Variants in PTPRD observed in about 807,000 individuals in gnomAD.
PTPRD encodes receptor-type tyrosine-protein phosphatase delta.
A neutral mutation model predicts 214.5 loss-of-function variants in PTPRD; 34 were observed. That is an observed-to-expected ratio of 0.16 (90% confidence interval 0.12 to 0.21). The LOEUF (loss-of-function observed/expected upper bound fraction) is 0.21. Ranked by LOEUF, PTPRD falls within the 10% of genes least tolerant of loss-of-function variation. The pLI, the probability that PTPRD is intolerant of heterozygous loss-of-function variation, is 1.00. For missense variants in PTPRD, 2,545 were observed against 2,398.7 expected, an observed-to-expected ratio of 1.06 and a Z score of -1.27; for synonymous variants, 1,128 against 845.7, an observed-to-expected ratio of 1.33 and a Z score of -5.79.
intron 11 of PTPRD, among the ~76,000 whole-genome samples, chr9:8,844,375 A>C (rs746070145): frequency 2.6e-4 from 40 of 152,212 alleles, no homozygotes; most frequent in Non-Finnish European, 5.4e-4. Context: ...CAGGCCTCTT[A>C]ATATATTTTA....
At chr9:9,194,921 T>C (rs1046244028) in intron 9 of PTPRD, among the ~76,000 whole-genome samples, 7 of 151,914 alleles carry the variant, frequency 4.6e-5, no homozygotes, top group Admixed American at 3.3e-4. Context: ...TTTTTTGTTT[T>C]AGTTATTCCA....
chr9:10,139,076 C>T (rs1372254483), intron 3 of PTPRD, among the ~76,000 whole-genome samples: 1 of 151,830 alleles, frequency 6.6e-6, no homozygotes, highest in African/African-American at 2.4e-5. Flanking sequence ...AAGAGGCATC[C>T]AAATAGAAAA....
At chr9:10,145,295 C>T (rs1204069960) in intron 3 of PTPRD, among the ~76,000 whole-genome samples, 2 of 152,042 alleles carry the variant, frequency 1.3e-5, no homozygotes, top group Non-Finnish European at 1.5e-5. Flanking sequence ...GACCCTTTAA[C>T]AACACAGTTT....
chr9:10,273,922 T>G (rs1011312593), intron 3 of PTPRD, among the ~76,000 whole-genome samples: 1 of 152,122 alleles, frequency 6.6e-6, no homozygotes, highest in African/African-American at 2.4e-5. Flanking sequence ...AAAACAAAAG[T>G]TTTTAGCTAA....
At chr9:9,298,060 G>A (rs1953784248) in intron 9 of PTPRD, among the ~76,000 whole-genome samples, 1 of 151,690 alleles carries the variant, frequency 6.6e-6, no homozygotes, top group Non-Finnish European at 1.5e-5. Flanking sequence ...GAGAGACAAT[G>A]GATGGGTAAA....
intron 36 of PTPRD, among the ~76,000 whole-genome samples, chr9:8,402,140 A>G (rs546145917): frequency 6.6e-6 from 1 of 152,150 alleles, no homozygotes; most frequent in Admixed American, 6.5e-5. Context: ...TGTAATTTAG[A>G]TGAAAGCTCT....
At chr9:9,536,204 G>T (rs553432831) in intron 8 of PTPRD, among the ~76,000 whole-genome samples, 3 of 151,740 alleles carry the variant, frequency 2.0e-5, no homozygotes, top group African/African-American at 7.3e-5. Flanking sequence ...ACATATTTTT[G>T]TATGTATCTC....
chr9:9,693,012 G>A (rs1249716306), intron 7 of PTPRD, among the ~76,000 whole-genome samples: 1 of 151,974 alleles, frequency 6.6e-6, no homozygotes, highest in South Asian at 2.1e-4. Context: ...GTTCTAATAT[G>A]TTTTTGGTAG....
intron 3 of PTPRD, among the ~76,000 whole-genome samples, chr9:10,049,136 A>G (rs2097468273): frequency 6.6e-6 from 1 of 152,178 alleles, no homozygotes; most frequent in South Asian, 2.1e-4. Flanking sequence ...GTCAATTGGC[A>G]GCTAGAGCAG....
intron 9 of PTPRD, among the ~76,000 whole-genome samples, chr9:9,185,926 C>T (rs1415752562): frequency 6.7e-6 from 1 of 150,002 alleles, no homozygotes; most frequent in Non-Finnish European, 1.5e-5. Flanking sequence ...TTTCAGAGTA[C>T]AAATATCAGT....
At chr9:9,817,341 A>G (rs2049089411) in intron 5 of PTPRD, among the ~76,000 whole-genome samples, 1 of 152,156 alleles carries the variant, frequency 6.6e-6, no homozygotes, top group South Asian at 2.1e-4. Flanking sequence ...ATATTAACTT[A>G]GATAGTATAC....
At chr9:10,117,259 A>C (rs2098737656) in intron 3 of PTPRD, among the ~76,000 whole-genome samples, 1 of 152,124 alleles carries the variant, frequency 6.6e-6, no homozygotes, top group African/African-American at 2.4e-5. Context: ...AAATTAGCCC[A>C]TTTTTAGAAC....
At chr9:9,715,125 T>C (rs1017756814) in intron 7 of PTPRD, among the ~76,000 whole-genome samples, 5 of 152,188 alleles carry the variant, frequency 3.3e-5, no homozygotes, top group African/African-American at 1.2e-4. Flanking sequence ...TTTGGGCAAA[T>C]TACTTTATGT....
intron 6 of PTPRD, among the ~76,000 whole-genome samples, chr9:9,758,407 G>A (rs1180775620): frequency 1.3e-5 from 2 of 152,054 alleles, no homozygotes; most frequent in Non-Finnish European, 2.9e-5. Flanking sequence ...ATGAGGGGTA[G>A]GGATGGGTAG....
chr9:8,323,921 T>C (rs1830915998), intron 44 of PTPRD, among the ~76,000 whole-genome samples: 1 of 152,130 alleles, frequency 6.6e-6, no homozygotes, highest in Non-Finnish European at 1.5e-5. Flanking sequence ...GCTCTTGACT[T>C]TGTCACTTAG....
intron 9 of PTPRD, among the ~76,000 whole-genome samples, chr9:9,213,389 C>G (rs1056755796): frequency 6.6e-6 from 1 of 152,146 alleles, no homozygotes; most frequent in Non-Finnish European, 1.5e-5. Flanking sequence ...CACAGTGTTA[C>G]TCTGTTATTC....
At position 8,465,638 on chromosome 9, in the gene PTPRD, C is replaced by T. The variant is rs781067774; in HGVS notation, c.3542G>A (p.Arg1181His). The T allele has an allele frequency of 9.3e-6, 15 of 1,612,024 alleles. No homozygotes were observed. Among genetic ancestry groups the T allele is most frequent in the Admixed American group, 3.3e-5 (2 of 59,788 alleles). The change falls in exon 32 of 46, where the codon CGT becomes CAT. Residue 1181 changes from arginine to histidine, a missense_variant. Coordinates refer to ENST00000381196, the MANE Select transcript of PTPRD (RefSeq NM_002839.4). Reference protein sequence around the residue: ...KEISRKRRSIRYGREVELKPY... With the variant: ...KEISRKRRSIHYGREVELKPY... Reference sequence around the variant, plus strand: ...CTTTAATTCAACTTCTCTCCCATAACGGATGCTTCTGCGCTTCCTAGATAT... The same window carrying T: ...CTTTAATTCAACTTCTCTCCCATAATGGATGCTTCTGCGCTTCCTAGATAT...
chr9:9,992,100 T>C (rs977904911), intron 4 of PTPRD, among the ~76,000 whole-genome samples: 1 of 152,106 alleles, frequency 6.6e-6, no homozygotes, highest in African/African-American at 2.4e-5. Flanking sequence ...CTGTGGGCGG[T>C]AGAATGGACG....
rs2132531835 is a variant in PTPRD at position 8,341,977 on chromosome 9, C to T, written c.4663G>A (p.Ala1555Thr). The change falls in exon 40 of 46, where the codon GCG becomes ACG. Residue 1555 changes from alanine (A) to threonine (T), a missense_variant and splice_region_variant. Ala to Thr is a moderately conservative substitution (Grantham distance 58, BLOSUM62 0). Transcript: ENST00000381196. ...AAGCAACCAGTCCGGCCAACTCCCG[C>T]ACTATGAGGAAAATAGAGAAGAAAA... is the stretch of plus-strand genomic sequence containing the variant. Reference protein sequence around the residue: ...DAGPMVVHCSAGVGRTGCFIV... With the variant: ...DAGPMVVHCSTGVGRTGCFIV... The T allele has an allele frequency of 6.3e-7, 1 of 1,599,444 alleles. No individual in the cohort carries two copies. The highest frequency in any genetic ancestry group is 8.5e-7 in the Non-Finnish European group (1 of 1,173,976).
Sources: gnomAD v4.1 joint callset for allele counts (sites outside exome capture counted in the v4.1 genomes callset) on GRCh38, gnomAD v4.1.1 for gene constraint, MANE v1.5 for transcripts, NCBI Gene and HGNC (gene_info 2026-07-23, HGNC 2026-07-21) for gene names.